The following PTPRG variants were observed in gnomAD, a reference collection of about 807,000 sequenced individuals.
PTPRG encodes protein tyrosine phosphatase receptor type G, also known as receptor-type tyrosine-protein phosphatase gamma.
Under a neutral mutation model 165.3 loss-of-function variants are expected in PTPRG, and 102 were observed. The ratio of observed to expected loss-of-function variants is 0.62; its 90% CI spans 0.53 to 0.73. The LOEUF (loss-of-function observed/expected upper bound fraction) is 0.73, where lower values mean the gene tolerates loss of function less well. Among genes scored for constraint, PTPRG ranks in the 30% least tolerant of loss-of-function variants. The probability of loss-of-function intolerance (pLI) is 0.00; values close to 1 mark genes in which losing one functional copy is unlikely to be tolerated. For missense variants in PTPRG, 1,866 were observed against 1,861.4 expected, an observed-to-expected ratio of 1.00 and a Z score of -0.05; for synonymous variants, 675 against 669.5, an observed-to-expected ratio of 1.01 and a Z score of -0.13.
In PTPRG at chr3:62,233,971, C is replaced by G. The variant is rs894383957; in HGVS notation, c.2375+2660C>G. ...TCCCATCACTCACCCACCCTGCTCC[C>G]TACCTCCTCACAAATAGGTAGCCCC... is the stretch of plus-strand genomic sequence containing the variant. On this transcript the variant is annotated intron_variant, in intron 14 of 29. Coordinates refer to ENST00000474889, the MANE Select transcript of PTPRG (RefSeq NM_002841.4). This position sits in a 1 kb window ranked among gnomAD's most constrained non-coding sequence, Gnocchi z 4.7. Among the ~76,000 whole-genome samples, 1 of 152,230 alleles carries G rather than the reference C, an allele frequency of 6.6e-6. No homozygotes were observed. The highest frequency in any genetic ancestry group is 1.5e-5 in the Non-Finnish European group (1 of 68,042).
chr3:62,082,637 T>C (rs531173622), intron 5 of PTPRG, among the ~76,000 whole-genome samples: 2 of 152,314 alleles, frequency 1.3e-5, no homozygotes, highest in East Asian at 1.9e-4. Context: ...CTTAAGATCA[T>C]GATGACTGGC....
intron 4 of PTPRG, among the ~76,000 whole-genome samples, chr3:62,076,298 CA>C (rs777222438): frequency 1.7e-4 from 26 of 151,998 alleles, no homozygotes; most frequent in Admixed American, 2.6e-4. Flanking sequence ...GAAAAAAATA[CA>C]TATGTATATA....
intron 5 of PTPRG, among the ~76,000 whole-genome samples, chr3:62,125,103 C>A (rs1703237924): frequency 1.3e-5 from 2 of 151,954 alleles, no homozygotes; most frequent in South Asian, 4.1e-4. Context: ...CTTTGTCCCC[C>A]TGTCACCTTT....
chr3:62,015,933 G>C (rs898725916), intron 4 of PTPRG, among the ~76,000 whole-genome samples: 5 of 152,120 alleles, frequency 3.3e-5, no homozygotes, highest in Admixed American at 3.3e-4. Context: ...TTACCAGTCA[G>C]TAAGTTTTTT....
At chr3:61,743,067 C>A in intron 1 of PTPRG, 1 of 1,592,118 alleles carries the variant, frequency 6.3e-7, no homozygotes, top group Non-Finnish European at 8.6e-7. Context: ...GGACTTCCCG[C>A]ACCGCCTCGT....
intron 2 of PTPRG, among the ~76,000 whole-genome samples, chr3:61,857,355 C>T (rs932623196): frequency 6.6e-6 from 1 of 152,176 alleles, no homozygotes; most frequent in African/African-American, 2.4e-5. Context: ...GCAGCTCCCA[C>T]AGCAACATTC....
intron 15 of PTPRG, among the ~76,000 whole-genome samples, chr3:62,247,562 T>C (rs778874208): frequency 6.6e-6 from 1 of 152,174 alleles, no homozygotes; most frequent in Non-Finnish European, 1.5e-5. Flanking sequence ...TCCCCTCTCA[T>C]CTCTGTTCTC....
intron 1 of PTPRG, among the ~76,000 whole-genome samples, chr3:61,577,353 C>A (rs1345077573): frequency 6.6e-6 from 1 of 152,110 alleles, no homozygotes; most frequent in Non-Finnish European, 1.5e-5. Context: ...TGATGTTGAG[C>A]CTTTGCTTAA....
At chr3:61,783,726 T>C (rs1424661841) in intron 2 of PTPRG, among the ~76,000 whole-genome samples, 3 of 152,100 alleles carry the variant, frequency 2.0e-5, no homozygotes, top group Admixed American at 6.5e-5. Context: ...CTAGCATAGC[T>C]CATGCTGGGT....
chr3:61,792,023 T>C (rs968839232), intron 2 of PTPRG, among the ~76,000 whole-genome samples: 3 of 152,304 alleles, frequency 2.0e-5, no homozygotes, highest in Admixed American at 2.0e-4. Flanking sequence ...TTCTAGACAC[T>C]GGAATGCCTC....
At chr3:61,591,382 T>A (rs1215243736) in intron 1 of PTPRG, among the ~76,000 whole-genome samples, 1 of 152,166 alleles carries the variant, frequency 6.6e-6, no homozygotes, top group Non-Finnish European at 1.5e-5. Flanking sequence ...TTTTGGAGAT[T>A]GAGAGGGCAC....
chr3:61,607,394 T>C (rs1575533826), intron 1 of PTPRG, among the ~76,000 whole-genome samples: 1 of 152,286 alleles, frequency 6.6e-6, no homozygotes, highest in East Asian at 1.9e-4. Flanking sequence ...AACTGTGTTC[T>C]TTGGGATCCA....
chr3:61,920,121 C>A (rs2039041591), intron 2 of PTPRG, among the ~76,000 whole-genome samples: 1 of 152,208 alleles, frequency 6.6e-6, no homozygotes, highest in Admixed American at 6.5e-5. Flanking sequence ...ATCCCACATG[C>A]CTGCACTCGT....
At position 62,182,966 on chromosome 3, in the gene PTPRG, T is replaced by G. The variant is rs574353905; in HGVS notation, c.1034-8503T>G. Reference sequence around the variant, plus strand: ...CACTACGCCCGGCTAACAGTAACTATTTCTAAAGTACGTTTGCTATATGTC... The same window carrying G: ...CACTACGCCCGGCTAACAGTAACTAGTTCTAAAGTACGTTTGCTATATGTC... On this transcript the variant is annotated intron_variant, in intron 8 of 29. Transcript: ENST00000474889. Among the ~76,000 whole-genome samples, 666 of 152,344 alleles carry G rather than the reference T, an allele frequency of 4.4e-3. 4 individuals are homozygous for G. Among genetic ancestry groups the G allele is most frequent in the African/African-American group, 0.015 (641 of 41,578 alleles).
intron 1 of PTPRG, among the ~76,000 whole-genome samples, chr3:61,715,999 A>T (rs1024442868): frequency 3.9e-5 from 6 of 152,128 alleles, no homozygotes; most frequent in Admixed American, 6.6e-5. Context: ...GAGCATAATG[A>T]CATACTGGAT....
intron 1 of PTPRG, among the ~76,000 whole-genome samples, chr3:61,653,321 C>T (rs1702412536): frequency 1.3e-5 from 2 of 151,100 alleles, no homozygotes; most frequent in African/African-American, 2.4e-5. Context: ...AATTATCCCC[C>T]TTTTTTTTTC....
At chr3:61,987,586 G>C (rs2107689462) in intron 2 of PTPRG, among the ~76,000 whole-genome samples, 1 of 152,140 alleles carries the variant, frequency 6.6e-6, no homozygotes, top group Non-Finnish European at 1.5e-5. Flanking sequence ...TTTCTCTGTT[G>C]AGTGTAATTT....
chr3:62,120,066 A>G (rs1432357655), intron 5 of PTPRG, among the ~76,000 whole-genome samples: 2 of 152,026 alleles, frequency 1.3e-5, no homozygotes, highest in Non-Finnish European at 2.9e-5. Context: ...GTGTTTTGTC[A>G]TTGTTGTAGT....
At position 62,222,078 on chromosome 3, in the gene PTPRG, AC is replaced by A. The variant is rs1326792787; in HGVS notation, c.2288+3096del. 5.9e-5 allele frequency among the ~76,000 whole-genome samples: 9 copies of A among 152,370 alleles called. No homozygotes were observed. In the East Asian group the frequency reaches 1.5e-3, roughly 26 times the overall value. ...TGACCAAGGAAGAGAACGAGAACTC[AC>A]ATTTGTTGAAAGCCTGCTATGGGCC... is the stretch of plus-strand genomic sequence containing the variant. On this transcript the variant is annotated intron_variant, in intron 13 of 29. Coordinates refer to ENST00000474889, the MANE Select transcript of PTPRG (RefSeq NM_002841.4). This position sits in a 1 kb window ranked among gnomAD's most constrained non-coding sequence, Gnocchi z 4.5.
Sources: gnomAD v4.1 joint callset for allele counts (sites outside exome capture counted in the v4.1 genomes callset) on GRCh38, gnomAD v4.1.1 for gene constraint, Gnocchi (gnomAD v3.1) non-coding constraint, MANE v1.5 for transcripts, NCBI Gene and HGNC (gene_info 2026-07-23, HGNC 2026-07-21) for gene names.